The following PDSS2 variants were observed in gnomAD, a reference collection of about 807,000 sequenced individuals.
The protein encoded by PDSS2 is all trans-polyprenyl-diphosphate synthase PDSS2.
In PDSS2, 31 loss-of-function variants were observed where a neutral mutation model predicts 44.5. That is an observed-to-expected ratio of 0.70 (90% CI 0.52 to 0.94). The LOEUF (loss-of-function observed/expected upper bound fraction) is 0.94. Ranked by LOEUF, PDSS2 falls within the 40% of genes least tolerant of loss-of-function variation. PDSS2 has a pLI of 0.00. For synonymous variants in PDSS2, 157 were observed against 180.3 expected (o/e 0.87, Z 1.03); for missense variants, 452 against 482.2 (o/e 0.94, Z 0.59).
chr6:107,220,484 T>C (rs1773565391), intron 4 of PDSS2, among the ~76,000 whole-genome samples: 2 of 152,150 alleles, frequency 1.3e-5, no homozygotes, highest in South Asian at 2.1e-4. Flanking sequence ...AGTCCAGGGA[T>C]AGAATGTATA....
At chr6:107,300,463 T>C (rs1024436913) in intron 2 of PDSS2, among the ~76,000 whole-genome samples, 1 of 152,168 alleles carries the variant, frequency 6.6e-6, no homozygotes, top group African/African-American at 2.4e-5. Context: ...TAAGAATTCC[T>C]AAGCCTAGCT....
At chr6:107,380,943 A>C (rs953474568) in intron 1 of PDSS2, among the ~76,000 whole-genome samples, 1 of 152,228 alleles carries the variant, frequency 6.6e-6, no homozygotes, top group African/African-American at 2.4e-5. Context: ...GTAGTTAATA[A>C]TCCGAATTGA....
At chr6:107,204,926 T>C (rs1772920479) in intron 6 of PDSS2, among the ~76,000 whole-genome samples, 1 of 152,250 alleles carries the variant, frequency 6.6e-6, no homozygotes, top group Non-Finnish European at 1.5e-5. Context: ...TCTAGAGCCA[T>C]TTCATAGTCT....
chr6:107,402,278 CA>C (rs563962172), intron 1 of PDSS2, among the ~76,000 whole-genome samples: 8 of 120,680 alleles, frequency 6.6e-5, no homozygotes, highest in African/African-American at 6.2e-5. Context: ...GACTCAGTCT[CA>C]AAAAAAAAAC....
intron 4 of PDSS2, among the ~76,000 whole-genome samples, chr6:107,243,067 A>G (rs1208542333): frequency 6.6e-6 from 1 of 152,232 alleles, no homozygotes; most frequent in African/African-American, 2.4e-5. Flanking sequence ...TACAATCAAC[A>G]GCCCTTCAAA....
intron 2 of PDSS2, among the ~76,000 whole-genome samples, chr6:107,298,110 A>G (rs1431675135): frequency 6.6e-6 from 1 of 152,244 alleles, no homozygotes; most frequent in Non-Finnish European, 1.5e-5. Context: ...TATGAGAAGG[A>G]AAACTGGGAT....
In PDSS2 at chr6:107,211,354, G is replaced by T. The variant is rs375776464; in HGVS notation, c.876+755C>A. On this transcript the variant is annotated intron_variant, in intron 5 of 7. Transcript: ENST00000369037. Reference sequence around the variant, plus strand: ...TTTAGATTTCATATGCCCATTCAAAGAATTAGTTATTAAAATTAAAGCTTT... The same window carrying T: ...TTTAGATTTCATATGCCCATTCAAATAATTAGTTATTAAAATTAAAGCTTT... 7.5e-4 allele frequency among the ~76,000 whole-genome samples: 114 copies of T among 151,998 alleles called. 1 individual carries two copies. In the South Asian group the frequency reaches 0.022, roughly 29 times the overall value.
chr6:107,413,188 T>A (rs1455840549), intron 1 of PDSS2, among the ~76,000 whole-genome samples: 1 of 152,226 alleles, frequency 6.6e-6, no homozygotes, highest in Non-Finnish European at 1.5e-5. Flanking sequence ...TCACTTCAAT[T>A]TGTAAATTAA....
intron 7 of PDSS2, among the ~76,000 whole-genome samples, chr6:107,190,975 T>C (rs1324409102): frequency 6.6e-6 from 1 of 151,958 alleles, no homozygotes; most frequent in South Asian, 2.1e-4. Context: ...CACTGCAAGC[T>C]CCGCCTCCTG....
chr6:107,220,903 T>C (rs553405778), intron 4 of PDSS2, among the ~76,000 whole-genome samples: 10 of 152,230 alleles, frequency 6.6e-5, no homozygotes, highest in South Asian at 2.1e-4. Flanking sequence ...TAAGAGAGCA[T>C]GCTCTATTAT....
chr6:107,365,726 A>G (rs922833078), intron 1 of PDSS2, among the ~76,000 whole-genome samples: 7 of 152,220 alleles, frequency 4.6e-5, no homozygotes, highest in African/African-American at 1.7e-4. Context: ...TGGAATGGCT[A>G]TATTAATGTC....
At chr6:107,258,284 A>T (rs1290182606) in intron 3 of PDSS2, among the ~76,000 whole-genome samples, 1 of 151,988 alleles carries the variant, frequency 6.6e-6, no homozygotes, top group Non-Finnish European at 1.5e-5. Flanking sequence ...CTTTATTAAC[A>T]ATTTCCTTGA....
At chr6:107,277,699 T>C (rs980398587) in intron 2 of PDSS2, among the ~76,000 whole-genome samples, 5 of 152,120 alleles carry the variant, frequency 3.3e-5, no homozygotes, top group Non-Finnish European at 5.9e-5. Flanking sequence ...AGGCCTGTAA[T>C]CCCTGCACTA....
At chr6:107,211,495 G>A (rs1773205520) in intron 5 of PDSS2, among the ~76,000 whole-genome samples, 1 of 151,952 alleles carries the variant, frequency 6.6e-6, no homozygotes. Context: ...ACTTTGGGAG[G>A]CCAAGGCGGG....
At chr6:107,329,347 C>A (rs1378878514) in intron 2 of PDSS2, among the ~76,000 whole-genome samples, 3 of 152,198 alleles carry the variant, frequency 2.0e-5, no homozygotes, top group Admixed American at 6.5e-5. Context: ...GAACTCCCCA[C>A]AATTTATCCA....
At chr6:107,234,394 G>A (rs557488411) in intron 4 of PDSS2, among the ~76,000 whole-genome samples, 2 of 151,822 alleles carry the variant, frequency 1.3e-5, no homozygotes, top group South Asian at 2.1e-4. Context: ...TAGTAGCGAC[G>A]GCGTTTCACC....
intron 4 of PDSS2, among the ~76,000 whole-genome samples, chr6:107,226,306 C>T (rs1038202686): frequency 3.3e-5 from 5 of 151,644 alleles, no homozygotes; most frequent in Admixed American, 1.3e-4. Context: ...AGCGAGACTC[C>T]GTCTCAAAAA....
intron 2 of PDSS2, among the ~76,000 whole-genome samples, chr6:107,307,109 C>A (rs1182679412): frequency 6.6e-6 from 1 of 152,214 alleles, no homozygotes; most frequent in Non-Finnish European, 1.5e-5. Flanking sequence ...GAAGTAGGCA[C>A]ACATTCTGTG....
intron 1 of PDSS2, among the ~76,000 whole-genome samples, chr6:107,388,186 G>C (rs1452365770): frequency 6.6e-6 from 1 of 152,120 alleles, no homozygotes; most frequent in Non-Finnish European, 1.5e-5. Flanking sequence ...ATACTTAGTA[G>C]AGCATAAGTT....
Sources: gnomAD v4.1 joint callset for allele counts (sites outside exome capture counted in the v4.1 genomes callset) on GRCh38, gnomAD v4.1.1 for gene constraint, MANE v1.5 for transcripts, NCBI Gene and HGNC (gene_info 2026-07-23, HGNC 2026-07-21) for gene names.